The following TIAM1 variants were observed in gnomAD, a reference collection of about 807,000 sequenced individuals.
TIAM1 encodes the protein TIAM Rac1 associated GEF 1.
Under a neutral mutation model 163.5 loss-of-function variants are expected in TIAM1, and 65 were observed. That is an observed-to-expected ratio of 0.40 (90% CI 0.33 to 0.49). TIAM1 has a LOEUF of 0.49. Among genes scored for constraint, TIAM1 ranks in the 20% least tolerant of loss-of-function variants. The probability of loss-of-function intolerance (pLI) is 0.77; values close to 1 mark genes in which losing one functional copy is unlikely to be tolerated. For synonymous variants in TIAM1, 833 were observed against 810.1 expected (o/e 1.03, Z -0.48); for missense variants, 1,789 against 2,044.7 (o/e 0.87, Z 2.41).
At chr21:31,248,817 A>G (rs2071639810) in intron 5 of TIAM1, among the ~76,000 whole-genome samples, 1 of 152,078 alleles carries the variant, frequency 6.6e-6, no homozygotes, top group Non-Finnish European at 1.5e-5. Flanking sequence ...AGGCTGTGTC[A>G]CTCAGCTCTG....
chr21:31,348,263 G>A (rs375282215), upstream of TIAM1, among the ~76,000 whole-genome samples: 3 of 152,138 alleles, frequency 2.0e-5, no homozygotes, highest in African/African-American at 7.2e-5. Flanking sequence ...CAAGATCTGC[G>A]AATTTGAAGC....
At chr21:31,124,379 TCA>T in intron 27 of TIAM1, 141 bp downstream of exon 27, 2 of 1,239,776 alleles carry the variant, frequency 1.6e-6, no homozygotes, top group Non-Finnish European at 2.1e-6. Flanking sequence ...GCAAGGAACC[TCA>T]CACCAGGGAA....
chr21:31,141,555 C>T lies in TIAM1; in HGVS notation c.3476-51G>A. Reference sequence around the variant, plus strand: ...GGGGGTGGAACGCCCACGTGACTCCCTTCCCACAATTTCCCTCCCTTCCTC... The same window carrying T: ...GGGGGTGGAACGCCCACGTGACTCCTTTCCCACAATTTCCCTCCCTTCCTC... On this transcript the variant is annotated intron_variant, in intron 20 of 27. Coordinates refer to ENST00000541036, the MANE Select transcript of TIAM1 (RefSeq NM_001353694.2). This position sits in a 1 kb window ranked among gnomAD's most constrained non-coding sequence, Gnocchi z 4.7. 2 of 1,586,324 alleles carry T rather than the reference C, an allele frequency of 1.3e-6. No individual in the cohort carries two copies. The highest frequency in any genetic ancestry group is 8.6e-7 in the Non-Finnish European group (1 of 1,164,770).
chr21:31,289,008 C>T (rs2833365), intron 2 of TIAM1, among the ~76,000 whole-genome samples: 13,704 of 152,250 alleles, frequency 0.09, 1,641 homozygotes, highest in African/African-American at 0.28. Flanking sequence ...AATAAGATCA[C>T]TGAATGCAGG....
intron 1 of TIAM1, among the ~76,000 whole-genome samples, chr21:31,527,766 C>T (rs1206321507): frequency 1.3e-5 from 2 of 152,116 alleles, no homozygotes; most frequent in African/African-American, 4.8e-5. Context: ...CAACCCAATG[C>T]TTAGAATCTC....
At chr21:31,334,171 G>C (rs951121199) in intron 2 of TIAM1, among the ~76,000 whole-genome samples, 2 of 152,082 alleles carry the variant, frequency 1.3e-5, no homozygotes, top group Non-Finnish European at 2.9e-5. Flanking sequence ...CTGAAACCAC[G>C]AAAAATCCAT....
chr21:31,405,139 C>T lies in TIAM1; in HGVS notation c.-369+58844G>A, dbSNP rs116729117. ...TGCACAAACTGTGGTCCCAAGTACT[C>T]GGAAGGCTAAAGGCAGGAGGATCAC... On this transcript the variant is annotated intron_variant, in intron 2 of 28. Coordinates refer to the TIAM1 transcript ENST00000286827. Among the ~76,000 whole-genome samples, 1,008 of 152,132 alleles carry T rather than the reference C, an allele frequency of 6.6e-3. 20 individuals carry two copies. The highest frequency in any genetic ancestry group is 0.023 in the African/African-American group (957 of 41,510).
At chr21:31,238,597 T>A (rs1185833680) in intron 6 of TIAM1, among the ~76,000 whole-genome samples, 1 of 152,200 alleles carries the variant, frequency 6.6e-6, no homozygotes, top group African/African-American at 2.4e-5. Context: ...AAAAAATTTT[T>A]AAGGGAACCT....
intron 6 of TIAM1, among the ~76,000 whole-genome samples, chr21:31,243,798 C>T (rs1479260730): frequency 6.6e-6 from 1 of 152,196 alleles, no homozygotes; most frequent in Non-Finnish European, 1.5e-5. Context: ...TTTCATCAAA[C>T]ACCATGAAGG....
chr21:31,549,071 G>A (rs112224309), intron 1 of TIAM1, among the ~76,000 whole-genome samples: 10 of 152,298 alleles, frequency 6.6e-5, no homozygotes, highest in African/African-American at 2.2e-4. Context: ...AAATCTCATT[G>A]CAAATATTTC....
At chr21:31,406,348 T>C (rs1381323754) in intron 2 of TIAM1, among the ~76,000 whole-genome samples, 2 of 152,148 alleles carry the variant, frequency 1.3e-5, no homozygotes, top group Non-Finnish European at 2.9e-5. Context: ...TCCCTTTAGC[T>C]GGATGCATAT....
Position 31,445,253 on chromosome 21 carries a change from T to G in TIAM1, c.-369+18730A>C, listed in dbSNP as rs530904617. 5.7e-4 allele frequency among the ~76,000 whole-genome samples: 87 copies of G among 152,292 alleles called. 1 individual carries two copies. The highest frequency in any genetic ancestry group is 2.1e-3 in the African/African-American group (86 of 41,572). On this transcript the variant is annotated intron_variant, in intron 2 of 28. Coordinates refer to the TIAM1 transcript ENST00000286827. ...GCCTCAGGTTTTGTTTTTAAATCTA[T>G]TAAATAAAGAATCTAGGCTCATTGT...
intron 2 of TIAM1, among the ~76,000 whole-genome samples, chr21:31,426,427 A>C (rs2043798329): frequency 6.6e-6 from 1 of 152,072 alleles, no homozygotes; most frequent in South Asian, 2.1e-4. Flanking sequence ...TACATATTTC[A>C]CTTCCACGGT....
intron 1 of TIAM1, among the ~76,000 whole-genome samples, chr21:31,491,219 A>T (rs1412282011): frequency 6.6e-6 from 1 of 152,246 alleles, no homozygotes; most frequent in Non-Finnish European, 1.5e-5. Flanking sequence ...ACAGTGGAGT[A>T]GAAAAGTGGA....
chr21:31,216,729 G>A (rs919512170), intron 9 of TIAM1, among the ~76,000 whole-genome samples: 1 of 152,136 alleles, frequency 6.6e-6, no homozygotes, highest in Admixed American at 6.5e-5. Context: ...CCGAGATCCC[G>A]TTCCAGCCCC....
chr21:31,233,847 A>G (rs1379310343), intron 6 of TIAM1, among the ~76,000 whole-genome samples: 2 of 152,208 alleles, frequency 1.3e-5, no homozygotes, highest in African/African-American at 4.8e-5. Flanking sequence ...AGACACAAGG[A>G]AAACAGGGAC....
chr21:31,240,573 GA>G (rs1260101180), intron 6 of TIAM1, among the ~76,000 whole-genome samples: 1 of 152,118 alleles, frequency 6.6e-6, no homozygotes, highest in Non-Finnish European at 1.5e-5. Context: ...ACCTTTCTCA[GA>G]GAACCATCAC....
At chr21:31,457,716 G>T (rs1011440781) in intron 2 of TIAM1, among the ~76,000 whole-genome samples, 9 of 152,298 alleles carry the variant, frequency 5.9e-5, no homozygotes, top group African/African-American at 2.2e-4. Flanking sequence ...GGTATAAAAG[G>T]TTAATAATGG....
intron 2 of TIAM1, among the ~76,000 whole-genome samples, chr21:31,357,731 G>A (rs1040422694): frequency 1.3e-5 from 2 of 152,050 alleles, no homozygotes; most frequent in Admixed American, 6.6e-5. Context: ...ATCCAACCAC[G>A]TGCTGTTCTC....
Sources: allele counts gnomAD v4.1 joint callset (sites outside exome capture counted in the v4.1 genomes callset), GRCh38; gene constraint gnomAD v4.1.1; non-coding constraint Gnocchi (gnomAD v3.1); transcripts MANE v1.5; gene names NCBI Gene and HGNC (gene_info 2026-07-23, HGNC 2026-07-21).